MAP3K20: variants seen among roughly 807,000 people sequenced by gnomAD.
The protein encoded by MAP3K20 is mitogen-activated protein kinase kinase kinase 20, also known as HCCS-4.
MAP3K20 carries 40 observed loss-of-function variants against 85.7 expected under a neutral mutation model. That is an observed-to-expected ratio of 0.47 (90% CI 0.36 to 0.61). The LOEUF is 0.61. Ranked by LOEUF, MAP3K20 falls within the 20% of genes least tolerant of loss-of-function variation. The pLI, the probability that MAP3K20 is intolerant of heterozygous loss-of-function variation, is 0.00. For missense variants in MAP3K20, 817 were observed against 961.7 expected, an observed-to-expected ratio of 0.85 and a Z score of 1.99; for synonymous variants, 325 against 327.7, an observed-to-expected ratio of 0.99 and a Z score of 0.09.
chr2:173,213,575 T>A (rs1353534128), intron 10 of MAP3K20, among the ~76,000 whole-genome samples: 2 of 152,178 alleles, frequency 1.3e-5, no homozygotes, highest in Non-Finnish European at 2.9e-5. Flanking sequence ...AACCCTAAAT[T>A]ATATCACAGA....
intron 2 of MAP3K20, among the ~76,000 whole-genome samples, chr2:173,108,967 C>T: frequency 6.6e-6 from 1 of 152,114 alleles, no homozygotes. Flanking sequence ...TGGCAGTTCA[C>T]CCCTCTGTTG....
At chr2:173,262,701 C>T (rs1685325105) in intron 18 of MAP3K20, among the ~76,000 whole-genome samples, 1 of 152,214 alleles carries the variant, frequency 6.6e-6, no homozygotes, top group African/African-American at 2.4e-5. Flanking sequence ...TTATCCTCAC[C>T]TGCTGGGGTG....
At chr2:173,201,776 ATTTTAAAGTACT>A (rs1053030539) in intron 8 of MAP3K20, among the ~76,000 whole-genome samples, 2 of 152,210 alleles carry the variant, frequency 1.3e-5, no homozygotes, top group Admixed American at 6.5e-5. Context: ...TTTGAATTCT[ATTTTAAAGTACT>A]TTTTAACGCA....
At chr2:173,102,609 C>G (rs553639099) in intron 2 of MAP3K20, among the ~76,000 whole-genome samples, 1 of 152,136 alleles carries the variant, frequency 6.6e-6, no homozygotes, top group South Asian at 2.1e-4. Context: ...TAATGCTTGG[C>G]AGAATTAGGT....
chr2:173,079,986 A>G (rs904079144), intron 1 of MAP3K20, among the ~76,000 whole-genome samples: 6 of 152,202 alleles, frequency 3.9e-5, no homozygotes, highest in Middle Eastern at 3.2e-3. Flanking sequence ...ATCCTTATCA[A>G]GCATTGTGCA....
intron 11 of MAP3K20, chr2:173,225,890 T>G: frequency 1.0e-6 from 1 of 982,486 alleles, no homozygotes; most frequent in Non-Finnish European, 1.2e-6. Flanking sequence ...CACTTTCCCA[T>G]TACACTGATT....
chr2:173,186,488 AAAGGC>A (rs1319150330), intron 4 of MAP3K20, among the ~76,000 whole-genome samples: 1 of 152,178 alleles, frequency 6.6e-6, no homozygotes, highest in African/African-American at 2.4e-5. Context: ...GATATCATTA[AAAGGC>A]AAGAGTTTAA....
chr2:173,178,241 G>T (rs1690222886), intron 3 of MAP3K20, among the ~76,000 whole-genome samples: 1 of 152,192 alleles, frequency 6.6e-6, no homozygotes, highest in Non-Finnish European at 1.5e-5. Flanking sequence ...ATAAAGAAAT[G>T]TTATGACAGT....
chr2:173,159,490 A>G (rs189197056), intron 2 of MAP3K20, among the ~76,000 whole-genome samples: 7 of 151,244 alleles, frequency 4.6e-5, no homozygotes, highest in African/African-American at 1.7e-4. Flanking sequence ...CCTAGGTGCA[A>G]GTGATCCTCC....
Position 173,263,861 on chromosome 2 carries a change from T to C in MAP3K20, c.1668T>C (p.Asn556=), listed in dbSNP as rs558027695. 2.5e-6 allele frequency: 4 copies of C among 1,612,914 alleles called. No homozygotes were observed. The African/African-American group carries it at 4.0e-5, about 16-fold the overall frequency. Residue 556 remains asparagine (N), a synonymous_variant, in exon 19 of 20, where the codon AAT becomes AAC. Transcript: ENST00000375213. ...VQLAIQTLFT[N]SDGNPGSRSD... ...TTGCCATTCAGACATTATTCACCAA[T>C]TCAGATGGCAACCCTGGAAGCAGGT...
At chr2:173,179,704 G>GCA (rs71018541) in intron 3 of MAP3K20, among the ~76,000 whole-genome samples, 10,971 of 146,052 alleles carry the variant, frequency 0.075, 627 homozygotes, top group African/African-American at 0.16. Context: ...TAAGGAATGC[G>GCA]CACACACACA....
intron 2 of MAP3K20, among the ~76,000 whole-genome samples, chr2:173,148,029 G>A (rs560768989): frequency 6.6e-6 from 1 of 152,276 alleles, no homozygotes; most frequent in South Asian, 2.1e-4. Flanking sequence ...TGACCGAGAA[G>A]CATTATCCAT....
At chr2:173,140,309 C>T (rs1362141435) in intron 2 of MAP3K20, among the ~76,000 whole-genome samples, 1 of 151,760 alleles carries the variant, frequency 6.6e-6, no homozygotes, top group African/African-American at 2.4e-5. Context: ...CACGCCCAGC[C>T]ACAATCCTAT....
At chr2:173,236,266 T>TAAAA (rs67764486) in intron 14 of MAP3K20, among the ~76,000 whole-genome samples, 12 of 64,728 alleles carry the variant, frequency 1.9e-4, no homozygotes, top group African/African-American at 4.1e-4. Flanking sequence ...AGACCCTGTC[T>TAAAA]AAAAAAAAAA....
intron 2 of MAP3K20, among the ~76,000 whole-genome samples, chr2:173,120,259 G>T (rs780974494): frequency 6.6e-6 from 1 of 152,006 alleles, no homozygotes; most frequent in African/African-American, 2.4e-5. Flanking sequence ...ACCTGATGGG[G>T]TGACCTGAAC....
At chr2:173,134,281 C>T (rs1190570370) in intron 2 of MAP3K20, among the ~76,000 whole-genome samples, 2 of 143,800 alleles carry the variant, frequency 1.4e-5, no homozygotes, top group African/African-American at 5.2e-5. Context: ...TTACTGCAAC[C>T]TCCAACTCCC....
intron 16 of MAP3K20, among the ~76,000 whole-genome samples, chr2:173,252,893 T>C (rs1010973937): frequency 1.3e-5 from 2 of 152,234 alleles, no homozygotes; most frequent in Non-Finnish European, 2.9e-5. Flanking sequence ...TCAGGATATG[T>C]GGAAGCAGGG....
intron 2 of MAP3K20, among the ~76,000 whole-genome samples, chr2:173,110,355 A>G (rs1001870171): frequency 7.0e-5 from 10 of 142,612 alleles, no homozygotes; most frequent in African/African-American, 2.7e-4. Context: ...CTGGGCTCAG[A>G]TGTTCCTTCC....
chr2:173,226,361 GC>G (rs1684388669), intron 11 of MAP3K20: 2 of 985,286 alleles, frequency 2.0e-6, no homozygotes, highest in Non-Finnish European at 2.4e-6. Context: ...TAGACTTATT[GC>G]AGCCTTTTGA....
Sources: allele counts gnomAD v4.1 joint callset (sites outside exome capture counted in the v4.1 genomes callset), GRCh38; gene constraint gnomAD v4.1.1; transcripts MANE v1.5; gene names NCBI Gene and HGNC (gene_info 2026-07-23, HGNC 2026-07-21).